NPPC: variants seen among roughly 807,000 people sequenced by gnomAD.
NPPC encodes C-type natriuretic peptide.
A neutral mutation model predicts 10.2 loss-of-function variants in NPPC; 4 were observed. The ratio of observed to expected loss-of-function variants is 0.39; its 90% confidence interval spans 0.19 to 0.90. The LOEUF (loss-of-function observed/expected upper bound fraction) is 0.90, where lower values mean the gene tolerates loss of function less well. NPPC is among the 40% of genes least tolerant of loss of function. The pLI, the probability that NPPC is intolerant of heterozygous loss-of-function variation, is 0.37. For synonymous variants in NPPC, 83 were observed against 87.3 expected, an observed-to-expected ratio of 0.95 and a Z score of 0.27; for missense variants, 182 against 173.8, an observed-to-expected ratio of 1.05 and a Z score of -0.26.
At chr2:231,925,352 G>A in intron 2 of NPPC, 53 bp downstream of exon 2, 9 of 1,380,192 alleles carry the variant, frequency 6.5e-6, no homozygotes, top group Non-Finnish European at 8.5e-6. Context: ...CCGGCTGGGC[G>A]GCGGGCGGTC....
chr2:231,925,833 C>G, intron 1 of NPPC, 118 bp from the exon 2 acceptor site: 3 of 1,215,086 alleles, frequency 2.5e-6, no homozygotes, highest in Non-Finnish European at 3.3e-6. Flanking sequence ...CAGAGCCGCC[C>G]CCACCGATGC....
At chr2:231,923,294 G>C (rs1399596421) in intron 2 of NPPC, among the ~76,000 whole-genome samples, 9 of 152,234 alleles carry the variant, frequency 5.9e-5, no homozygotes, top group African/African-American at 2.2e-4. Context: ...CCCAGTCTCT[G>C]TCATTAGCAT....
At chr2:231,922,396 C>A (rs1289423724) in intron 2 of NPPC, 81 bp from the exon 3 acceptor site, 2 of 152,184 alleles carry the variant, frequency 1.3e-5, no homozygotes, top group Non-Finnish European at 2.9e-5. Flanking sequence ...GTTCTAGAAC[C>A]TTTCCTCCCC....
chr2:231,923,443 G>A (rs149138459), intron 2 of NPPC, among the ~76,000 whole-genome samples: 2 of 152,310 alleles, frequency 1.3e-5, no homozygotes, highest in African/African-American at 4.8e-5. Context: ...TTCTCTTTAC[G>A]CCCAGTGATA....
rs369493939 is a variant in NPPC, at chr2:231,926,187, G to T, written c.63C>A (p.Ser21=). ...LLLTLLSLRP[S]EAKPGAPPKV... is the part of the protein sequence containing the mutation. ...TCGGCGGCGCCCCGGGCTTGGCTTCGGAGGGCCGGAGGGAGAGCAGCGTGA... is the reference window on the plus strand; with the variant it reads ...TCGGCGGCGCCCCGGGCTTGGCTTCTGAGGGCCGGAGGGAGAGCAGCGTGA... The change falls in exon 1 of 3, where the codon TCC becomes TCA. Residue 21 remains serine (S), a synonymous_variant. Transcript: ENST00000409852. The T allele has an allele frequency of 4.6e-6, 6 of 1,314,842 alleles. No homozygotes were observed. The African/African-American group carries it at 7.6e-5, about 17-fold the overall frequency. 81.4% of individuals were successfully genotyped at this position (1,314,842 alleles called of 1,614,324 possible).
At chr2:231,924,248 C>T (rs984681101) in intron 2 of NPPC, among the ~76,000 whole-genome samples, 1 of 152,232 alleles carries the variant, frequency 6.6e-6, no homozygotes, top group African/African-American at 2.4e-5. Context: ...GCCAGCACTT[C>T]GCCCTTAAGC....
At chr2:231,925,820 GC>G (rs1250271760) in intron 1 of NPPC, 105 bp from the exon 2 acceptor site, 3 of 1,280,896 alleles carry the variant, frequency 2.3e-6, no homozygotes, top group African/African-American at 3.2e-5. Context: ...TCCCTCCCAA[GC>G]CCAGAGCCGC....
intron 2 of NPPC, among the ~76,000 whole-genome samples, 196 bp downstream of exon 2, chr2:231,925,209 G>T (rs1348383844): frequency 1.3e-5 from 2 of 152,228 alleles, no homozygotes; most frequent in Non-Finnish European, 2.9e-5. Flanking sequence ...AGGCTGAGCC[G>T]TTTCTGACCT....
At chr2:231,925,780 C>A (rs986496730) in intron 1 of NPPC, 65 bp from the exon 2 acceptor site, 6 of 1,411,330 alleles carry the variant, frequency 4.3e-6, no homozygotes, top group Non-Finnish European at 5.5e-6. Flanking sequence ...CTCTGATGCT[C>A]CAGCCCCACG....
Position 231,925,711 on chromosome 2 carries a change from G to A in NPPC, c.95C>T (p.Pro32Leu). Residue 32 changes from proline (P) to leucine (L), a missense_variant, in exon 2 of 3, where the codon CCG becomes CTG. Coordinates refer to ENST00000409852, the MANE Select transcript of NPPC (RefSeq NM_024409.4). ...CAGCTCCTCTGCCGGCGGGGTTCGCGGGACCTGTCCGAGGAAAGAGCGGGC... is the reference window on the plus strand; with the variant it reads ...CAGCTCCTCTGCCGGCGGGGTTCGCAGGACCTGTCCGAGGAAAGAGCGGGC... ...EAKPGAPPKVPRTPPAEELAE... is the reference protein window; with the variant it reads ...EAKPGAPPKVLRTPPAEELAE... The A allele has an allele frequency of 1.3e-6, 2 of 1,563,528 alleles. No individual in the cohort carries two copies. Among genetic ancestry groups the A allele is most frequent in the South Asian group, 1.2e-5 (1 of 85,064 alleles).
intron 1 of NPPC, among the ~76,000 whole-genome samples, 155 bp from the exon 2 acceptor site, chr2:231,925,870 G>C (rs377693377): frequency 1.3e-5 from 2 of 152,346 alleles, no homozygotes; most frequent in Non-Finnish European, 1.5e-5. Flanking sequence ...GCATCCACCT[G>C]CCACGCGGCC....
intron 1 of NPPC, 91 bp from the exon 2 acceptor site, chr2:231,925,806 G>T: frequency 7.3e-7 from 1 of 1,375,874 alleles, no homozygotes; most frequent in Non-Finnish European, 9.4e-7. Flanking sequence ...GCCGGCGCGG[G>T]GTGTCCCTCC....
At position 231,922,082 on chromosome 2, in the gene NPPC, A is replaced by G. The variant is rs1485419671; in HGVS notation, c.*254T>C. 1 of 150,740 alleles carries G rather than the reference A, an allele frequency of 6.6e-6. No homozygotes were observed. Among genetic ancestry groups the G allele is most frequent in the Non-Finnish European group, 1.5e-5 (1 of 67,720 alleles). The allele number at this position is 150,740 out of a possible 1,614,324, so 9.3% of individuals were successfully genotyped here. A position where few individuals can be genotyped will look rare whatever the true frequency, so the allele number is the denominator to read the frequency against. ...GTGTAGGTGTGTGTGTTTCATGTAT[A>G]TAATATATATATAATATATAACTTT... On this transcript the variant is annotated 3_prime_UTR_variant, in exon 3 of 3. Coordinates refer to ENST00000409852, the MANE Select transcript of NPPC (RefSeq NM_024409.4).
At position 231,925,386 on chromosome 2, in the gene NPPC, T is replaced by G. The variant is rs1261179630; in HGVS notation, c.*20+19A>C. On this transcript the variant is annotated intron_variant, in intron 2 of 2. Transcript: ENST00000409852. ...TCCCGGGCCGGGCTGGGGCTGGGCG[T>G]CGGGTGGGCCGTACTCACCGCCGCC... 1.6e-5 allele frequency: 25 copies of G among 1,527,988 alleles called. No homozygotes were observed. Among genetic ancestry groups the G allele is most frequent in the Non-Finnish European group, 2.1e-5 (24 of 1,139,184 alleles). The allele number at this position is 1,527,988 out of a possible 1,614,324, so 94.7% of individuals were successfully genotyped here.
At position 231,925,646 on chromosome 2, in the gene NPPC, C is replaced by T; in HGVS notation, c.160G>A (p.Asp54Asn). ...QAAGGGQKKG[D>N]KAPGGGGANL... is the part of the protein sequence containing the mutation. The stretch of plus-strand genomic sequence containing the variant: ...GCGCCCCCGCCCCCGGGAGCCTTGT[C>T]GCCCTTCTTCTGACCGCCGCCCGCA... Residue 54 changes from aspartate (D) to asparagine (N), a missense_variant, in exon 2 of 3, where the codon GAC (aspartate) becomes AAC (asparagine). By Grantham distance (23) the Asp-to-Asn change is conservative. Coordinates refer to ENST00000409852, the MANE Select transcript of NPPC (RefSeq NM_024409.4). 1 of 1,604,934 alleles carries T rather than the reference C, an allele frequency of 6.2e-7. No individual in the cohort carries two copies. The highest frequency in any genetic ancestry group is 8.5e-7 in the Non-Finnish European group (1 of 1,177,212).
intron 2 of NPPC, among the ~76,000 whole-genome samples, chr2:231,924,885 G>C (rs1691978901): frequency 1.3e-5 from 2 of 152,220 alleles, no homozygotes; most frequent in African/African-American, 4.8e-5. Flanking sequence ...ACCCTGGACA[G>C]ACCAGTTTGC....
rs1418362532 is a variant in NPPC at position 231,925,503 on chromosome 2, G to A, written c.303C>T (p.Ala101=). 1.2e-6 allele frequency: 2 copies of A among 1,612,958 alleles called. No homozygotes were observed. The highest frequency in any genetic ancestry group is 1.1e-5 in the South Asian group (1 of 91,008). ...EHPNARKYKG[A]NKKGLSKGCF... is the part of the protein sequence containing the mutation. ...AGCCCTTGGACAAGCCCTTCTTGTT[G>A]GCTCCTTTGTATTTGCGCGCGTTGG... The change falls in exon 2 of 3, where the codon GCC becomes GCT. Residue 101 remains alanine, a synonymous_variant. Transcript: ENST00000409852.
chr2:231,925,545 G>C lies in NPPC; in HGVS notation c.261C>G (p.Arg87=). 1 of 1,612,660 alleles carries C rather than the reference G, an allele frequency of 6.2e-7. No homozygotes were observed. The highest frequency in any genetic ancestry group is 8.5e-7 in the Non-Finnish European group (1 of 1,179,652). Residue 87 remains arginine, a synonymous_variant, in exon 2 of 3, where the codon CGC becomes CGG. Coordinates refer to ENST00000409852, the MANE Select transcript of NPPC (RefSeq NM_024409.4). ...GCGCGTTGGGGTGCTCTTGCAGAAG[G>C]CGAGCCCACGCTGCCCGCGACTTGG... ...VDTKSRAAWA[R]LLQEHPNARK...
intron 2 of NPPC, among the ~76,000 whole-genome samples, chr2:231,924,157 C>T (rs1457569287): frequency 6.6e-6 from 1 of 152,182 alleles, no homozygotes; most frequent in Non-Finnish European, 1.5e-5. Flanking sequence ...GGCCATGGGC[C>T]AGGGTGTGCT....
Sources: gnomAD v4.1 joint callset for allele counts (sites outside exome capture counted in the v4.1 genomes callset) on GRCh38, gnomAD v4.1.1 for gene constraint, MANE v1.5 for transcripts, NCBI Gene and HGNC (gene_info 2026-07-23, HGNC 2026-07-21) for gene names.